The following GABRG3 variants were observed in gnomAD, a reference collection of about 807,000 sequenced individuals.
GABRG3 encodes the protein gamma-aminobutyric acid receptor subunit gamma-3.
GABRG3 carries 25 observed loss-of-function variants against 48.8 expected under a neutral mutation model. The ratio of observed to expected loss-of-function variants is 0.51; its 90% CI spans 0.37 to 0.72. GABRG3 has a LOEUF of 0.72. Ranked by LOEUF, GABRG3 falls within the 30% of genes least tolerant of loss-of-function variation. GABRG3 has a pLI of 0.00. For synonymous variants in GABRG3, 227 were observed against 217.6 expected (o/e 1.04, Z -0.38); for missense variants, 394 against 577.9 (o/e 0.68, Z 3.26).
chr15:27,166,249 C>G (rs1050657390), intron 3 of GABRG3, among the ~76,000 whole-genome samples: 2 of 152,040 alleles, frequency 1.3e-5, no homozygotes, highest in Non-Finnish European at 2.9e-5. Context: ...GGGAAAAGTA[C>G]AAAAAGAAGT....
intron 3 of GABRG3, among the ~76,000 whole-genome samples, chr15:27,252,982 C>T (rs1156693267): frequency 6.6e-6 from 1 of 152,194 alleles, no homozygotes; most frequent in East Asian, 1.9e-4. Flanking sequence ...AGCCTTGGCC[C>T]CGACACCAGC....
intron 3 of GABRG3, among the ~76,000 whole-genome samples, chr15:27,159,687 C>T (rs1898529088): frequency 6.6e-6 from 1 of 152,072 alleles, no homozygotes; most frequent in Non-Finnish European, 1.5e-5. Context: ...CCCTTTTGTT[C>T]CCCCGCTCAC....
chr15:27,082,541 C>T (rs1897009039), intron 3 of GABRG3, among the ~76,000 whole-genome samples: 1 of 152,106 alleles, frequency 6.6e-6, no homozygotes, highest in African/African-American at 2.4e-5. Flanking sequence ...TAAATGGAAC[C>T]TGATTAGAAG....
At chr15:27,169,928 G>GGA (rs1458041156) in intron 3 of GABRG3, among the ~76,000 whole-genome samples, 1 of 152,020 alleles carries the variant, frequency 6.6e-6, no homozygotes, top group Non-Finnish European at 1.5e-5. Context: ...GATGGAAGAG[G>GGA]GAGAGAGAGA....
chr15:27,374,138 CTTTTTTTTTTT>C lies in GABRG3; in HGVS notation c.574+45263_574+45273del, dbSNP rs201839822. On this transcript the variant is annotated intron_variant, in intron 5 of 9. Coordinates refer to ENST00000615808, the MANE Select transcript of GABRG3 (RefSeq NM_033223.5). ...GAATTTTCTTTCCTTTTCTTTTCTT[CTTTTTTTTTTT>C]TTTTTTTTTTTTCAGTGTGTCACCC... Among the ~76,000 whole-genome samples the C allele has an allele frequency of 1.2e-4, 11 of 91,636 alleles. No individual in the cohort carries two copies. In the South Asian group the frequency reaches 3.7e-3, roughly 31 times the overall value. The allele number at this position is 91,636 out of a possible 152,430, so 60.1% of individuals were successfully genotyped here.
At chr15:27,123,467 T>C (rs937052827) in intron 3 of GABRG3, among the ~76,000 whole-genome samples, 3 of 152,210 alleles carry the variant, frequency 2.0e-5, no homozygotes, top group Non-Finnish European at 2.9e-5. Flanking sequence ...AGGCACTGTC[T>C]ATGAGGAACA....
At chr15:27,137,104 G>T (rs915669464) in intron 3 of GABRG3, among the ~76,000 whole-genome samples, 4 of 152,160 alleles carry the variant, frequency 2.6e-5, no homozygotes, top group African/African-American at 9.7e-5. Context: ...TAATGCTCTG[G>T]GCCTTTGCCT....
At chr15:27,153,182 T>A (rs146811295) in intron 3 of GABRG3, among the ~76,000 whole-genome samples, 64 of 152,258 alleles carry the variant, frequency 4.2e-4, no homozygotes, top group African/African-American at 1.5e-3. Flanking sequence ...TTGTATAAGA[T>A]CTCAGGTGTA....
intron 5 of GABRG3, among the ~76,000 whole-genome samples, chr15:27,394,430 T>C (rs1037555967): frequency 1.3e-5 from 2 of 152,146 alleles, no homozygotes; most frequent in African/African-American, 4.8e-5. Flanking sequence ...AAGCACAGTT[T>C]AATAACTTTT....
chr15:27,529,889 T>TAAAA (rs539243697), intron 9 of GABRG3, among the ~76,000 whole-genome samples: 2 of 116,634 alleles, frequency 1.7e-5, no homozygotes, highest in South Asian at 2.7e-4. Context: ...AGCAGAAAAT[T>TAAAA]AAAAAAAAAA....
chr15:27,270,941 G>A (rs1287677429), intron 3 of GABRG3, among the ~76,000 whole-genome samples: 1 of 152,206 alleles, frequency 6.6e-6, no homozygotes, highest in Non-Finnish European at 1.5e-5. Context: ...TAAGGGGAAT[G>A]GATTAACTCA....
At chr15:27,245,699 C>G (rs2140456273) in intron 3 of GABRG3, among the ~76,000 whole-genome samples, 1 of 151,728 alleles carries the variant, frequency 6.6e-6, no homozygotes, top group South Asian at 2.1e-4. Flanking sequence ...TGGTGAAACC[C>G]TGTCTCTACT....
intron 5 of GABRG3, among the ~76,000 whole-genome samples, chr15:27,411,501 C>T (rs1359839866): frequency 6.6e-6 from 1 of 152,176 alleles, no homozygotes; most frequent in South Asian, 2.1e-4. Context: ...TTACTGAGAT[C>T]CAGCCATTCT....
At chr15:27,062,849 C>T (rs1196644433) in intron 3 of GABRG3, among the ~76,000 whole-genome samples, 1 of 152,054 alleles carries the variant, frequency 6.6e-6, no homozygotes, top group Non-Finnish European at 1.5e-5. Flanking sequence ...TAAAGTAAAT[C>T]CTAAAAGAGA....
chr15:27,035,726 G>A (rs1328412196), intron 3 of GABRG3, among the ~76,000 whole-genome samples: 1 of 152,200 alleles, frequency 6.6e-6, no homozygotes, highest in Non-Finnish European at 1.5e-5. Context: ...AGCAGGATTG[G>A]GGAAGGACAG....
Position 27,040,529 on chromosome 15 carries a change from A to G in GABRG3, c.270+13708A>G, listed in dbSNP as rs578111394. Among the ~76,000 whole-genome samples the G allele has an allele frequency of 2.0e-5, 3 of 152,330 alleles. No homozygotes were observed. In the South Asian group the frequency reaches 6.2e-4, roughly 32 times the overall value. ...ACACAAAAGGAAAATTTGATTTTAT[A>G]ATACAGAAGAAAGTCTTTTAAAATT... On this transcript the variant is annotated intron_variant, in intron 3 of 9. Transcript: ENST00000615808.
chr15:27,010,432 A>G lies in GABRG3; in HGVS notation c.203-16322A>G, dbSNP rs139906780. Among the ~76,000 whole-genome samples, 459 of 152,320 alleles carry G rather than the reference A, an allele frequency of 3.0e-3. 3 individuals are homozygous for G. The highest frequency in any genetic ancestry group is 0.014 in the Middle Eastern group (4 of 294). On this transcript the variant is annotated intron_variant, in intron 2 of 9. Transcript: ENST00000615808. ...TAACTTGCTTGATTCTTTTACCTAG[A>G]ACAACTGAGATAGCTTCACTGTGGT...
intron 5 of GABRG3, among the ~76,000 whole-genome samples, chr15:27,404,098 G>A (rs1472326415): frequency 1.3e-5 from 2 of 152,012 alleles, no homozygotes; most frequent in African/African-American, 2.4e-5. Flanking sequence ...GCAGGTGCCT[G>A]TAGTCCCAGC....
intron 6 of GABRG3, among the ~76,000 whole-genome samples, chr15:27,498,207 C>T (rs887737969): frequency 3.9e-5 from 6 of 152,006 alleles, no homozygotes; most frequent in Admixed American, 3.9e-4. Context: ...CCTCCACCAC[C>T]TGGCATGGAG....
Sources: allele counts gnomAD v4.1 joint callset (sites outside exome capture counted in the v4.1 genomes callset), GRCh38; gene constraint gnomAD v4.1.1; transcripts MANE v1.5; gene names NCBI Gene and HGNC (gene_info 2026-07-23, HGNC 2026-07-21).